The following RIMS1 variants were observed in gnomAD, a reference collection of about 807,000 sequenced individuals.
The protein encoded by RIMS1 is regulating synaptic membrane exocytosis protein 1.
RIMS1 carries 83 observed loss-of-function variants against 214.1 expected under a neutral mutation model. The ratio of observed to expected loss-of-function variants is 0.39; its 90% CI spans 0.32 to 0.47. The LOEUF (loss-of-function observed/expected upper bound fraction) is 0.47, where lower values mean the gene tolerates loss of function less well. Ranked by LOEUF, RIMS1 falls within the 20% of genes least tolerant of loss-of-function variation. The pLI, the probability that RIMS1 is intolerant of heterozygous loss-of-function variation, is 0.99. For missense variants in RIMS1, 2,050 were observed against 2,161.8 expected (o/e 0.95, Z 1.03); for synonymous variants, 793 against 786.8 (o/e 1.01, Z -0.13).
At chr6:72,319,073 A>T (rs967644790) in intron 28 of RIMS1, among the ~76,000 whole-genome samples, 1 of 152,148 alleles carries the variant, frequency 6.6e-6, no homozygotes, top group Non-Finnish European at 1.5e-5. Flanking sequence ...TTTAAAAATA[A>T]TTAATAAATA....
intron 29 of RIMS1, among the ~76,000 whole-genome samples, chr6:72,375,464 T>A (rs2098347519): frequency 6.6e-6 from 1 of 152,222 alleles, no homozygotes; most frequent in Non-Finnish European, 1.5e-5. Flanking sequence ...AGAATAGGTA[T>A]GTCAGCTGGA....
At chr6:72,115,151 T>A (rs1037474100) in intron 4 of RIMS1, among the ~76,000 whole-genome samples, 1 of 152,000 alleles carries the variant, frequency 6.6e-6, no homozygotes, top group Non-Finnish European at 1.5e-5. Flanking sequence ...TATTATTAAT[T>A]GGAATGTATT....
chr6:72,190,126 G>A (rs574245249), intron 6 of RIMS1, among the ~76,000 whole-genome samples: 1 of 152,228 alleles, frequency 6.6e-6, no homozygotes, highest in East Asian at 1.9e-4. Context: ...CTGCCCACTG[G>A]GAAGATTTCC....
chr6:72,004,500 T>C (rs1806630049), intron 2 of RIMS1, among the ~76,000 whole-genome samples: 2 of 151,370 alleles, frequency 1.3e-5, no homozygotes, highest in African/African-American at 4.8e-5. Flanking sequence ...TGTAAAAGTG[T>C]TCCTATTTCT....
At chr6:72,171,307 AATACATATAC>A (rs2046989696) in intron 4 of RIMS1, among the ~76,000 whole-genome samples, 1 of 149,948 alleles carries the variant, frequency 6.7e-6, no homozygotes, top group African/African-American at 2.4e-5. Flanking sequence ...ATTTATACCT[AATACATATAC>A]ATACATATAT....
At chr6:72,222,590 T>G (rs1658568091) in intron 6 of RIMS1, among the ~76,000 whole-genome samples, 1 of 152,136 alleles carries the variant, frequency 6.6e-6, no homozygotes, top group African/African-American at 2.4e-5. Flanking sequence ...TAGCTTCTGA[T>G]CTCTTCTTAT....
In RIMS1 at chr6:72,214,525, T is replaced by C. The variant is rs183027884; in HGVS notation, c.1679-19248T>C. ...ATGAGATGGAATGAGGGACAAATAT[T>C]AGATTAATGACATTCAAAATGACTT... On this transcript the variant is annotated intron_variant, in intron 6 of 33. Transcript: ENST00000521978. Among the ~76,000 whole-genome samples, 289 of 152,266 alleles carry C rather than the reference T, an allele frequency of 1.9e-3. 1 individual carries two copies. Among genetic ancestry groups the C allele is most frequent in the Admixed American group, 3.7e-3 (56 of 15,292 alleles).
intron 26 of RIMS1, among the ~76,000 whole-genome samples, chr6:72,303,012 A>G (rs754081383): frequency 6.0e-5 from 9 of 150,978 alleles, no homozygotes; most frequent in Non-Finnish European, 1.2e-4. Flanking sequence ...GAAAGATTTA[A>G]GGAATTTTGA....
At chr6:72,345,089 C>A (rs2097213737) in intron 29 of RIMS1, among the ~76,000 whole-genome samples, 1 of 151,698 alleles carries the variant, frequency 6.6e-6, no homozygotes, top group African/African-American at 2.4e-5. Context: ...AAATAGGTGT[C>A]ACAAAACATT....
At chr6:72,376,634 C>A (rs965082034) in intron 29 of RIMS1, among the ~76,000 whole-genome samples, 44 of 151,866 alleles carry the variant, frequency 2.9e-4, no homozygotes, top group Admixed American at 7.9e-4. Context: ...GTAGTCCCAG[C>A]TCCTTGGGAG....
At chr6:72,185,383 A>C (rs2048951878) in intron 6 of RIMS1, among the ~76,000 whole-genome samples, 2 of 152,226 alleles carry the variant, frequency 1.3e-5, no homozygotes, top group Admixed American at 6.5e-5. Context: ...GCATGACTTC[A>C]CTGGCAAATC....
chr6:72,331,040 A>G (rs1484034681), intron 28 of RIMS1, among the ~76,000 whole-genome samples: 1 of 151,508 alleles, frequency 6.6e-6, no homozygotes, highest in African/African-American at 2.4e-5. Flanking sequence ...ATATTTTTCT[A>G]TTTTTTCCAG....
At chr6:72,335,901 T>C (rs1250080329) in intron 29 of RIMS1, among the ~76,000 whole-genome samples, 1 of 151,988 alleles carries the variant, frequency 6.6e-6, no homozygotes, top group African/African-American at 2.4e-5. Flanking sequence ...TCATATTCTT[T>C]GCCCATTTTA....
chr6:72,144,869 A>G (rs2463703), intron 4 of RIMS1, among the ~76,000 whole-genome samples: 5 of 151,684 alleles, frequency 3.3e-5, no homozygotes, highest in Non-Finnish European at 5.9e-5. Context: ...TATGATAAGG[A>G]TTTTTTTTCT....
chr6:72,294,378 A>G (rs1026543221), intron 26 of RIMS1, among the ~76,000 whole-genome samples: 2 of 151,720 alleles, frequency 1.3e-5, no homozygotes, highest in Non-Finnish European at 3.0e-5. Flanking sequence ...ACCACAGTCT[A>G]TTACAATTGG....
intron 4 of RIMS1, among the ~76,000 whole-genome samples, chr6:72,150,394 G>A (rs1588099888): frequency 6.6e-6 from 1 of 152,112 alleles, no homozygotes; most frequent in Admixed American, 6.6e-5. Context: ...ACTGTCTTTT[G>A]GCTTGAAGGT....
At chr6:72,337,794 C>T (rs1228130661) in intron 29 of RIMS1, among the ~76,000 whole-genome samples, 19 of 140,062 alleles carry the variant, frequency 1.4e-4, no homozygotes, top group African/African-American at 2.1e-4. Context: ...CCTTTGTCCA[C>T]GTGTTCTCAT....
intron 4 of RIMS1, among the ~76,000 whole-genome samples, chr6:72,144,534 A>G (rs1446698010): frequency 6.6e-6 from 1 of 152,160 alleles, no homozygotes; most frequent in Admixed American, 6.5e-5. Flanking sequence ...TGCTGACATG[A>G]ACAGATAATT....
At chr6:72,033,985 G>A (rs1388065113) in intron 2 of RIMS1, among the ~76,000 whole-genome samples, 1 of 152,030 alleles carries the variant, frequency 6.6e-6, no homozygotes, top group Non-Finnish European at 1.5e-5. Context: ...TGATAATTTG[G>A]TGTTGGGTAG....
Sources: allele counts gnomAD v4.1 joint callset (sites outside exome capture counted in the v4.1 genomes callset), GRCh38; gene constraint gnomAD v4.1.1; transcripts MANE v1.5; gene names NCBI Gene and HGNC (gene_info 2026-07-23, HGNC 2026-07-21).